Variants in CADM2 observed in about 807,000 individuals in gnomAD.
CADM2 encodes immunoglobulin superfamily member 4D.
A neutral mutation model predicts 49.8 loss-of-function variants in CADM2; 12 were observed. That is an observed-to-expected ratio of 0.24 (90% CI 0.15 to 0.39). The LOEUF (loss-of-function observed/expected upper bound fraction) is 0.39. CADM2 is among the 10% of genes least tolerant of loss of function. CADM2 has a pLI of 1.00. For synonymous variants in CADM2, 214 were observed against 175.4 expected (o/e 1.22, Z -1.74); for missense variants, 378 against 492.3 (o/e 0.77, Z 2.20).
At chr3:85,519,962 A>G (rs952020735) in intron 1 of CADM2, among the ~76,000 whole-genome samples, 2 of 152,072 alleles carry the variant, frequency 1.3e-5, no homozygotes, top group African/African-American at 4.8e-5. Context: ...ATATGTTGCA[A>G]AACAGAATGT....
chr3:85,784,530 TTATCTATCTATCTATCTATCTATC>T (rs71112118), intron 2 of CADM2, among the ~76,000 whole-genome samples: 2 of 142,202 alleles, frequency 1.4e-5, no homozygotes, highest in African/African-American at 2.7e-5. Context: ...CTAAATATAT[TTATCTATCTATCTATCTATCTATC>T]TATCTATCTA....
At chr3:85,924,811 C>T (rs1321754001) in intron 6 of CADM2, among the ~76,000 whole-genome samples, 2 of 152,084 alleles carry the variant, frequency 1.3e-5, no homozygotes, top group African/African-American at 2.4e-5. Context: ...TGGTTCTTTA[C>T]CTGATACAAA....
chr3:85,487,518 A>G (rs2039469488), intron 1 of CADM2, among the ~76,000 whole-genome samples: 1 of 150,536 alleles, frequency 6.6e-6, no homozygotes, highest in Admixed American at 6.6e-5. Context: ...GAAGTGGAGG[A>G]GGAGAAGGAG....
chr3:85,429,628 T>A (rs1014762426), intron 1 of CADM2, among the ~76,000 whole-genome samples: 1 of 152,116 alleles, frequency 6.6e-6, no homozygotes, highest in Non-Finnish European at 1.5e-5. Context: ...ATCTGCTAAT[T>A]GGCCAATGTG....
chr3:85,086,343 A>G (rs913081922), intron 1 of CADM2, among the ~76,000 whole-genome samples: 3 of 151,958 alleles, frequency 2.0e-5, no homozygotes, highest in Non-Finnish European at 2.9e-5. Context: ...AAATATGCTC[A>G]TAGAATGGAT....
At chr3:85,127,953 A>C (rs1210842728) in intron 1 of CADM2, among the ~76,000 whole-genome samples, 1 of 152,182 alleles carries the variant, frequency 6.6e-6, no homozygotes, top group Non-Finnish European at 1.5e-5. Context: ...AAATTTAATT[A>C]AATAAAATTA....
In CADM2 at chr3:85,385,235, G is replaced by A. The variant is rs566072561; in HGVS notation, c.62-341287G>A. Among the ~76,000 whole-genome samples the A allele has an allele frequency of 2.6e-5, 4 of 152,192 alleles. No homozygotes were observed. In the South Asian group the frequency reaches 6.2e-4, roughly 24 times the overall value. ...CAGGCGTTAGCCACCATGCCCAGGCGACACACTGTTTATTTTTTATTCATT... is the reference window on the plus strand; with the variant it reads ...CAGGCGTTAGCCACCATGCCCAGGCAACACACTGTTTATTTTTTATTCATT... On this transcript the variant is annotated intron_variant, in intron 1 of 9. Coordinates refer to ENST00000383699, the MANE Select transcript of CADM2 (RefSeq NM_001167675.2).
intron 1 of CADM2, among the ~76,000 whole-genome samples, chr3:84,995,629 T>A (rs1445664396): frequency 6.6e-6 from 1 of 152,228 alleles, no homozygotes; most frequent in African/African-American, 2.4e-5. Flanking sequence ...GGAGATTATA[T>A]GTAGTGCCTA....
chr3:85,309,771 C>G (rs2044301347), intron 1 of CADM2, among the ~76,000 whole-genome samples: 1 of 152,098 alleles, frequency 6.6e-6, no homozygotes, highest in South Asian at 2.1e-4. Context: ...AGGCTTTATC[C>G]CTGTATCAAG....
intron 1 of CADM2, among the ~76,000 whole-genome samples, chr3:85,029,830 ACTT>A (rs1321817021): frequency 6.6e-6 from 1 of 152,132 alleles, no homozygotes; most frequent in African/African-American, 2.4e-5. Flanking sequence ...GACTAGTGAC[ACTT>A]CTTCTCATAA....
chr3:85,972,557 G>A (rs1452240209), intron 8 of CADM2, among the ~76,000 whole-genome samples: 1 of 151,774 alleles, frequency 6.6e-6, no homozygotes, highest in Non-Finnish European at 1.5e-5. Flanking sequence ...TCCTTGGAGA[G>A]AAACAAGCAG....
At chr3:85,890,095 CA>C (rs1714219412) in intron 5 of CADM2, among the ~76,000 whole-genome samples, 1 of 151,972 alleles carries the variant, frequency 6.6e-6, no homozygotes, top group Non-Finnish European at 1.5e-5. Context: ...GAAAATAACA[CA>C]AATCACAGAA....
At chr3:85,349,710 G>A (rs1369032943) in intron 1 of CADM2, among the ~76,000 whole-genome samples, 2 of 152,198 alleles carry the variant, frequency 1.3e-5, no homozygotes, top group African/African-American at 4.8e-5. Context: ...ATAAAACAAA[G>A]ATGAATGTTT....
chr3:85,519,715 A>G (rs994561882), intron 1 of CADM2, among the ~76,000 whole-genome samples: 5 of 152,134 alleles, frequency 3.3e-5, no homozygotes, highest in African/African-American at 1.2e-4. Flanking sequence ...TGCAATATAA[A>G]CACAGAAATG....
At chr3:85,688,721 C>T (rs1559593832) in intron 1 of CADM2, among the ~76,000 whole-genome samples, 1 of 152,080 alleles carries the variant, frequency 6.6e-6, no homozygotes, top group Admixed American at 6.6e-5. Flanking sequence ...GCACCCACCA[C>T]CACATCCAGC....
intron 1 of CADM2, among the ~76,000 whole-genome samples, chr3:85,446,557 A>G (rs2107555324): frequency 6.7e-6 from 1 of 149,924 alleles, no homozygotes; most frequent in Non-Finnish European, 1.5e-5. Context: ...TAAAAGGATT[A>G]TTATAATATT....
At chr3:85,360,081 A>AT (rs1212169816) in intron 1 of CADM2, among the ~76,000 whole-genome samples, 3 of 151,790 alleles carry the variant, frequency 2.0e-5, no homozygotes, top group East Asian at 3.9e-4. Flanking sequence ...ATACAAAATA[A>AT]TTTTTTTCAT....
chr3:85,449,459 T>C (rs980943093), intron 1 of CADM2, among the ~76,000 whole-genome samples: 2 of 152,132 alleles, frequency 1.3e-5, no homozygotes, highest in Non-Finnish European at 2.9e-5. Flanking sequence ...TGAGATTTTC[T>C]TGAGTGTTAA....
chr3:85,231,520 A>G (rs1017647471), intron 1 of CADM2, among the ~76,000 whole-genome samples: 3 of 151,958 alleles, frequency 2.0e-5, no homozygotes, highest in African/African-American at 7.3e-5. Context: ...GATATCTAAG[A>G]TATTATAGTC....
Sources: gnomAD v4.1 joint callset for allele counts (sites outside exome capture counted in the v4.1 genomes callset) on GRCh38, gnomAD v4.1.1 for gene constraint, MANE v1.5 for transcripts, NCBI Gene and HGNC (gene_info 2026-07-23, HGNC 2026-07-21) for gene names.